Variants in GDPD5 observed in about 807,000 individuals in gnomAD.
GDPD5 encodes glycerophosphodiester phosphodiesterase 2.
GDPD5 carries 48 observed loss-of-function variants against 75.1 expected under a neutral mutation model. That is an observed-to-expected ratio of 0.64 (90% CI 0.51 to 0.81). The LOEUF (loss-of-function observed/expected upper bound fraction) is 0.81. GDPD5 is among the 40% of genes least tolerant of loss of function. The pLI is 0.00. For synonymous variants in GDPD5, 336 were observed against 339.0 expected (o/e 0.99, Z 0.10); for missense variants, 706 against 822.6 (o/e 0.86, Z 1.73).
intron 4 of GDPD5, among the ~76,000 whole-genome samples, chr11:75,460,393 C>A (rs1278794004): frequency 6.6e-6 from 1 of 152,100 alleles, no homozygotes; most frequent in Admixed American, 6.5e-5. Flanking sequence ...GGAAGCAACC[C>A]TCATGTTTAG....
chr11:75,466,108 T>G (rs1366413544), intron 3 of GDPD5, among the ~76,000 whole-genome samples: 1 of 152,082 alleles, frequency 6.6e-6, no homozygotes, highest in East Asian at 1.9e-4. Context: ...TGGTGGTGGT[T>G]GGGGGTGAGG....
chr11:75,523,750 C>G (rs375731877), intron 1 of GDPD5, among the ~76,000 whole-genome samples: 2 of 152,206 alleles, frequency 1.3e-5, no homozygotes, highest in African/African-American at 4.8e-5. Flanking sequence ...ATTTGAAGCC[C>G]CAGACAGAGG....
intron 3 of GDPD5, among the ~76,000 whole-genome samples, chr11:75,465,313 A>G (rs907410669): frequency 6.6e-6 from 1 of 152,190 alleles, no homozygotes; most frequent in Non-Finnish European, 1.5e-5. Context: ...CCATCTAGAA[A>G]GCAACCTTTC....
At chr11:75,457,615 C>T (rs949651074) in intron 5 of GDPD5, 78 bp downstream of exon 5, 3 of 1,177,682 alleles carry the variant, frequency 2.5e-6, no homozygotes, top group Non-Finnish European at 3.8e-6. Context: ...GGGTGGGACC[C>T]TCCATCAGCC....
At chr11:75,440,909 G>A (rs954527069) in intron 14 of GDPD5, among the ~76,000 whole-genome samples, 2 of 152,170 alleles carry the variant, frequency 1.3e-5, no homozygotes, top group African/African-American at 2.4e-5. Context: ...AACCCAAGCA[G>A]CTCTTTACTT....
At chr11:75,499,794 T>C (rs1354009975) in intron 1 of GDPD5, among the ~76,000 whole-genome samples, 2 of 152,196 alleles carry the variant, frequency 1.3e-5, no homozygotes, top group African/African-American at 4.8e-5. Context: ...CTGACCTTCC[T>C]AGGCCTTTCT....
intron 12 of GDPD5, among the ~76,000 whole-genome samples, chr11:75,442,019 C>T (rs960001995): frequency 5.3e-5 from 8 of 152,144 alleles, no homozygotes; most frequent in Non-Finnish European, 5.9e-5. Context: ...GCTGTCAGTA[C>T]GGGAGGGAAA....
At chr11:75,444,959 G>T (rs528904320) in intron 9 of GDPD5, among the ~76,000 whole-genome samples, 5 of 152,060 alleles carry the variant, frequency 3.3e-5, no homozygotes, top group Admixed American at 2.0e-4. Context: ...ACAAGTCCAG[G>T]GGGGAGACCT....
In GDPD5 at chr11:75,444,646, C is replaced by T. The variant is rs1948942074; in HGVS notation, c.715-151G>A. 6 of 621,964 alleles carry T rather than the reference C, an allele frequency of 9.6e-6. No individual in the cohort carries two copies. In the South Asian group the frequency reaches 1.1e-4, roughly 11 times the overall value. The allele number at this position is 621,964 out of a possible 1,614,324, so 38.5% of individuals were successfully genotyped here. The stretch of plus-strand genomic sequence containing the variant: ...GTAGCTGTGTGACCCTGGGCACCCA[C>T]TCAGCTTCTCTGAAGTTCAGCTTCC... On this transcript the variant is annotated intron_variant, in intron 9 of 16. Coordinates refer to ENST00000336898, the MANE Select transcript of GDPD5 (RefSeq NM_030792.8).
At chr11:75,488,224 C>A (rs1026654135) in intron 2 of GDPD5, among the ~76,000 whole-genome samples, 6 of 152,288 alleles carry the variant, frequency 3.9e-5, no homozygotes, top group Admixed American at 2.6e-4. Flanking sequence ...CCCCCACCCC[C>A]TTCTCCCCCA....
At chr11:75,455,000 G>C (rs901667562) in intron 6 of GDPD5, among the ~76,000 whole-genome samples, 2 of 152,296 alleles carry the variant, frequency 1.3e-5, no homozygotes, top group South Asian at 2.1e-4. Context: ...CTGGTGGGGC[G>C]GGTCGAGCTC....
chr11:75,443,291 A>T lies in GDPD5; in HGVS notation c.798-5T>A, dbSNP rs1242987086. The T allele has an allele frequency of 6.2e-7, 1 of 1,604,512 alleles. No individual in the cohort carries two copies. The highest frequency in any genetic ancestry group is 1.3e-5 in the African/African-American group (1 of 74,954). ...AGGAAGGGCACGCCGTCCAGGCTGCAGGGAGGGTGGGGCCACCGAGTCAGT... is the reference window on the plus strand; with the variant it reads ...AGGAAGGGCACGCCGTCCAGGCTGCTGGGAGGGTGGGGCCACCGAGTCAGT... On this transcript the variant is annotated splice_region_variant and splice_polypyrimidine_tract_variant and intron_variant, in intron 10 of 16. Transcript: ENST00000336898.
At chr11:75,442,717 C>A in intron 11 of GDPD5, 136 bp from the exon 12 acceptor site, 1 of 734,420 alleles carries the variant, frequency 1.4e-6, no homozygotes, top group South Asian at 1.8e-5. Context: ...TGGCTGTGGC[C>A]ATGTGGAGGC....
chr11:75,485,125 C>T (rs556207707), intron 2 of GDPD5, among the ~76,000 whole-genome samples: 48 of 152,282 alleles, frequency 3.2e-4, no homozygotes, highest in African/African-American at 1.1e-3. Context: ...AACTAAGTGA[C>T]GTTCTAGAAA....
intron 6 of GDPD5, among the ~76,000 whole-genome samples, chr11:75,455,956 G>C (rs1949276184): frequency 6.6e-6 from 1 of 152,208 alleles, no homozygotes; most frequent in Non-Finnish European, 1.5e-5. Context: ...CACCTTGACT[G>C]GGTGGGTCGG....
intron 1 of GDPD5, among the ~76,000 whole-genome samples, chr11:75,509,877 A>T (rs577523668): frequency 3.3e-5 from 5 of 152,276 alleles, no homozygotes; most frequent in African/African-American, 1.2e-4. Flanking sequence ...ACAGGGTTTC[A>T]CCATGTTGGC....
chr11:75,449,693 T>C, intron 7 of GDPD5, 83 bp from the exon 8 acceptor site: 1 of 1,416,906 alleles, frequency 7.1e-7, no homozygotes, highest in Non-Finnish European at 9.8e-7. Context: ...CTTCTACCTA[T>C]GAGGCAGGCA....
chr11:75,510,939 C>A (rs1422284966), intron 1 of GDPD5, among the ~76,000 whole-genome samples: 1 of 152,202 alleles, frequency 6.6e-6, no homozygotes, highest in Non-Finnish European at 1.5e-5. Flanking sequence ...CGACCCAGAG[C>A]AATTAACAGA....
intron 6 of GDPD5, among the ~76,000 whole-genome samples, chr11:75,454,286 A>G (rs977883404): frequency 2.0e-5 from 3 of 152,258 alleles, no homozygotes; most frequent in Admixed American, 6.5e-5. Context: ...CCGAAGGGAA[A>G]TGCAAATGAA....
Sources: gnomAD v4.1 joint callset for allele counts (sites outside exome capture counted in the v4.1 genomes callset) on GRCh38, gnomAD v4.1.1 for gene constraint, MANE v1.5 for transcripts, NCBI Gene and HGNC (gene_info 2026-07-23, HGNC 2026-07-21) for gene names.